Variants in MICA observed in about 807,000 individuals in gnomAD.
MICA encodes the protein MHC class I polypeptide-related sequence A.
MICA carries 18 observed loss-of-function variants against 34.3 expected under a neutral mutation model. The observed-to-expected ratio is 0.52, with a 90% CI of 0.36 to 0.78. The LOEUF is 0.78. Ranked by LOEUF, MICA falls within the 30% of genes least tolerant of loss-of-function variation. The pLI is 0.00. For missense variants in MICA, 333 were observed against 409.4 expected (o/e 0.81, Z 1.61); for synonymous variants, 135 against 156.9 (o/e 0.86, Z 1.04).
At chr6:31,401,693 A>G (rs185965372), upstream of MICA, among the ~76,000 whole-genome samples, 54 of 151,776 alleles carry the variant, frequency 3.6e-4, no homozygotes, top group Middle Eastern at 3.4e-3. Context: ...GCAGGGCACA[A>G]TGAGTACTAT....
rs1770587880 is a variant in MICA, at chr6:31,403,777, G to T, written c.70+75G>T. 3 of 1,412,196 alleles carry T rather than the reference G, an allele frequency of 2.1e-6. No individual in the cohort carries two copies. In the South Asian group the frequency reaches 3.8e-5, roughly 18 times the overall value. 87.5% of individuals were successfully genotyped at this position (1,412,196 alleles called of 1,614,324 possible). A position where few individuals can be genotyped will look rare whatever the true frequency, so the allele number is the denominator to read the frequency against. The stretch of plus-strand genomic sequence containing the variant: ...TTCCGGGGGTCGGGTGGGTAGCGGC[G>T]AGCGCTGTGCGGTCAGGGCGGGGCT... On this transcript the variant is annotated intron_variant, in intron 1 of 5. Coordinates refer to ENST00000449934, the MANE Select transcript of MICA (RefSeq NM_001177519.3). The surrounding 1 kb of genome is among the most constrained non-coding windows in gnomAD (Gnocchi z 4.7).
At chr6:31,401,292 TA>T (rs1340658285), upstream of MICA, among the ~76,000 whole-genome samples, 2 of 151,792 alleles carry the variant, frequency 1.3e-5, no homozygotes, top group African/African-American at 4.9e-5. Flanking sequence ...AGGATCAAAA[TA>T]AATTATCAGT....
rs1329934465 is a variant in MICA at position 31,412,152 on chromosome 6, C to T, written c.819C>T (p.Cys273=). ...TYQTWVATRI[C]RGEEQRFTCY... Reference sequence around the variant, plus strand: ...AGACCTGGGTGGCCACCAGGATTTGCCGAGGAGAGGAGCAGAGGTTCACCT... The same window carrying T: ...AGACCTGGGTGGCCACCAGGATTTGTCGAGGAGAGGAGCAGAGGTTCACCT... The change falls in exon 4 of 6, where the codon TGC becomes TGT. Residue 273 remains cysteine (C), a synonymous_variant. Transcript: ENST00000449934. The T allele has an allele frequency of 6.2e-7, 1 of 1,612,638 alleles. No homozygotes were observed. The highest frequency in any genetic ancestry group is 1.1e-5 in the South Asian group (1 of 90,994).
chr6:31,414,348 G>A (rs1317576211), intron 5 of MICA, among the ~76,000 whole-genome samples: 1 of 152,090 alleles, frequency 6.6e-6, no homozygotes, highest in Non-Finnish European at 1.5e-5. Flanking sequence ...AAGCGGACCA[G>A]GCAGGAGTAG....
intron 1 of MICA, among the ~76,000 whole-genome samples, chr6:31,409,301 A>C: frequency 8.5e-6 from 1 of 117,738 alleles, no homozygotes; most frequent in Non-Finnish European, 1.9e-5. Context: ...CTCTTTGCCA[A>C]CCTTGCTCTG....
upstream of MICA, among the ~76,000 whole-genome samples, chr6:31,401,493 G>A (rs3130480): frequency 1.9e-4 from 29 of 151,662 alleles, no homozygotes; most frequent in Non-Finnish European, 3.8e-4. Context: ...AGGGTTCATA[G>A]GGTAGAAGAT....
At chr6:31,413,549 G>C (rs1771328693) in intron 5 of MICA, among the ~76,000 whole-genome samples, 1 of 152,002 alleles carries the variant, frequency 6.6e-6, no homozygotes, top group Non-Finnish European at 1.5e-5. Context: ...TCAGGCGACA[G>C]TAAGAGGCTG....
chr6:31,403,731 G>T lies in MICA; in HGVS notation c.70+29G>T, dbSNP rs779372024. 1 of 1,524,452 alleles carries T rather than the reference G, an allele frequency of 6.6e-7. No individual in the cohort carries two copies. The highest frequency in any genetic ancestry group is 8.8e-7 in the Non-Finnish European group (1 of 1,138,504). 94.4% of individuals were successfully genotyped at this position (1,524,452 alleles called of 1,614,324 possible). On this transcript the variant is annotated intron_variant, in intron 1 of 5. Coordinates refer to ENST00000449934, the MANE Select transcript of MICA (RefSeq NM_001177519.3). This position sits in a 1 kb window ranked among gnomAD's most constrained non-coding sequence, Gnocchi z 4.7. ...AGTGGCGTTCCTGGCGGTCCTCGGC[G>T]GAGCGGGAGCAGTGGGACGTTTCCG...
Position 31,403,683 on chromosome 6 carries a change from A to C in MICA, c.51A>C (p.Ala17=), listed in dbSNP as rs1465870961. 9 of 1,531,204 alleles carry C rather than the reference A, an allele frequency of 5.9e-6. No individual in the cohort carries two copies. The highest frequency in any genetic ancestry group is 7.9e-6 in the Non-Finnish European group (9 of 1,139,958). 94.9% of individuals were successfully genotyped at this position (1,531,204 alleles called of 1,614,324 possible). Residue 17 remains alanine (A), a synonymous_variant, in exon 1 of 6, where the codon GCA becomes GCC. Coordinates refer to ENST00000449934, the MANE Select transcript of MICA (RefSeq NM_001177519.3). The surrounding 1 kb of genome is among the most constrained non-coding windows in gnomAD (Gnocchi z 4.7). ...TTCTGGCTGGCATCTTCCCTTTTGC[A>C]CCTCCGGGAGCTGCTGCTGGTGAGT... ...FLLLAGIFPF[A]PPGAAAEPHS...
At position 31,403,815 on chromosome 6, in the gene MICA, C is replaced by A. The variant is rs370683503; in HGVS notation, c.70+113C>A. ...TCAGGGCGGGGCTCCTGTGCCCTGTCGGTGGCGCAGGGAGCTGGACGCGGC... is the reference window on the plus strand; with the variant it reads ...TCAGGGCGGGGCTCCTGTGCCCTGTAGGTGGCGCAGGGAGCTGGACGCGGC... On this transcript the variant is annotated intron_variant, in intron 1 of 5. Coordinates refer to ENST00000449934, the MANE Select transcript of MICA (RefSeq NM_001177519.3). The surrounding 1 kb of genome is among the most constrained non-coding windows in gnomAD (Gnocchi z 4.7). 4.9e-5 allele frequency: 48 copies of A among 987,452 alleles called. No individual in the cohort carries two copies. The highest frequency in any genetic ancestry group is 6.1e-5 in the Non-Finnish European group (42 of 692,324). 61.2% of individuals were successfully genotyped at this position (987,452 alleles called of 1,614,324 possible).
At chr6:31,407,125 C>T (rs1254304912) in intron 1 of MICA, among the ~76,000 whole-genome samples, 1 of 151,882 alleles carries the variant, frequency 6.6e-6, no homozygotes, top group Non-Finnish European at 1.5e-5. Context: ...TGCATTGAAT[C>T]TGTAGATTAC....
At chr6:31,406,112 G>A (rs1562239169) in intron 1 of MICA, among the ~76,000 whole-genome samples, 1 of 151,796 alleles carries the variant, frequency 6.6e-6, no homozygotes, top group Non-Finnish European at 1.5e-5. Flanking sequence ...TTAGTTTTTG[G>A]AAGAACCTCC....
At chr6:31,407,173 C>G (rs1285531663) in intron 1 of MICA, among the ~76,000 whole-genome samples, 3 of 151,956 alleles carry the variant, frequency 2.0e-5, no homozygotes. Context: ...ACTGATTCTT[C>G]CAATCCATGA....
chr6:31,414,911 G>A, intron 5 of MICA, 101 bp from the exon 6 acceptor site: 2 of 979,024 alleles, frequency 2.0e-6, no homozygotes, highest in Non-Finnish European at 3.1e-6. Context: ...CAGAGAAAGG[G>A]CAAATCTGGT....
upstream of MICA, among the ~76,000 whole-genome samples, chr6:31,401,329 T>C (rs1562234310): frequency 6.6e-6 from 1 of 151,756 alleles, no homozygotes; most frequent in Non-Finnish European, 1.5e-5. Flanking sequence ...AACTAAGAAA[T>C]TGTTAAAATT....
At chr6:31,408,594 C>T (rs1334411288) in intron 1 of MICA, among the ~76,000 whole-genome samples, 1 of 151,998 alleles carries the variant, frequency 6.6e-6, no homozygotes, top group African/African-American at 2.4e-5. Flanking sequence ...TACCTCTGGC[C>T]CCTGGTAACC....
rs1339801311 is a variant in MICA, at chr6:31,415,224, A to G, written c.*242A>G. On this transcript the variant is annotated 3_prime_UTR_variant, in exon 6 of 6. Coordinates refer to ENST00000449934, the MANE Select transcript of MICA (RefSeq NM_001177519.3). ...TCTTGGTGCCTCAGTTTCCTGACCT[A>G]TGAAACAGAGAAAATAAAAGCACTT... 1 of 641,612 alleles carries G rather than the reference A, an allele frequency of 1.6e-6. No homozygotes were observed. The highest frequency in any genetic ancestry group is 2.9e-5 in the East Asian group (1 of 34,242). 39.7% of individuals were successfully genotyped at this position (641,612 alleles called of 1,614,324 possible).
intron 1 of MICA, among the ~76,000 whole-genome samples, chr6:31,405,330 A>C (rs1353714681): frequency 5.3e-5 from 8 of 150,316 alleles, no homozygotes; most frequent in Non-Finnish European, 1.2e-4. Flanking sequence ...TCCTTTTGGC[A>C]GGTCCTTCCT....
rs1051790 is a variant in MICA at position 31,411,179 on chromosome 6, C to A, written c.433C>A (p.Leu145Met). 4 of 1,612,848 alleles carry A rather than the reference C, an allele frequency of 2.5e-6. No individual in the cohort carries two copies. The highest frequency in any genetic ancestry group is 1.3e-5 in the African/African-American group (1 of 74,598). Residue 145 changes from leucine to methionine, a missense_variant, in exon 3 of 6, where the codon CTG (leucine) becomes ATG (methionine). Physicochemically the swap from Leu to Met is conservative, Grantham distance 15. Transcript: ENST00000449934. This position sits in a 1 kb window ranked among gnomAD's most constrained non-coding sequence, Gnocchi z 4.3. ...YDGELFLSQN[L>M]ETEEWTVPQS... The stretch of plus-strand genomic sequence containing the variant: ...TGGGGAGCTCTTCCTCTCCCAAAAC[C>A]TGGAGACTGAGGAATGGACAGTGCC...
Sources: allele counts gnomAD v4.1 joint callset (sites outside exome capture counted in the v4.1 genomes callset), GRCh38; gene constraint gnomAD v4.1.1; non-coding constraint Gnocchi (gnomAD v3.1); transcripts MANE v1.5; gene names NCBI Gene and HGNC (gene_info 2026-07-23, HGNC 2026-07-21).